ACYP2: variants seen among roughly 807,000 people sequenced by gnomAD.
ACYP2 encodes the protein acylphosphatase 2, also known as acylphosphatase-2.
A neutral mutation model predicts 11.2 loss-of-function variants in ACYP2; 12 were observed. The observed-to-expected ratio is 1.08, with a 90% CI of 0.69 to 1.74. The LOEUF (loss-of-function observed/expected upper bound fraction) is 1.74, where lower values mean the gene tolerates loss of function less well. ACYP2 is among the 40% of genes most tolerant of loss of function. The pLI, the probability that ACYP2 is intolerant of heterozygous loss-of-function variation, is 0.00. For synonymous variants in ACYP2, 43 were observed against 32.2 expected, an observed-to-expected ratio of 1.33 and a Z score of -1.13; for missense variants, 134 against 101.9, an observed-to-expected ratio of 1.31 and a Z score of -1.35.
chr2:54,034,900 C>T (rs866865874), intron 2 of ACYP2, among the ~76,000 whole-genome samples: 4 of 151,020 alleles, frequency 2.6e-5, no homozygotes, highest in Middle Eastern at 3.4e-3. Flanking sequence ...ATCCTAGCTA[C>T]TCAGGAGGCT....
chr2:53,989,572 T>G (rs1250948142), intron 2 of ACYP2, among the ~76,000 whole-genome samples: 1 of 152,222 alleles, frequency 6.6e-6, no homozygotes, highest in East Asian at 1.9e-4. Flanking sequence ...CATCTCCCAT[T>G]ATCTAGGTCT....
At chr2:54,035,546 C>A (rs1674850635) in intron 2 of ACYP2, among the ~76,000 whole-genome samples, 1 of 152,078 alleles carries the variant, frequency 6.6e-6, no homozygotes, top group African/African-American at 2.4e-5. Context: ...ATTACAGGTG[C>A]AAGCCACCGC....
At chr2:54,174,881 A>G (rs546745386) in intron 6 of ACYP2, among the ~76,000 whole-genome samples, 1 of 152,182 alleles carries the variant, frequency 6.6e-6, no homozygotes, top group Non-Finnish European at 1.5e-5. Context: ...GATGAAGCCT[A>G]CTTGATCGTG....
At chr2:54,094,551 T>A (rs1678413582) in intron 4 of ACYP2, among the ~76,000 whole-genome samples, 1 of 150,340 alleles carries the variant, frequency 6.7e-6, no homozygotes, top group African/African-American at 2.5e-5. Context: ...TGTGTGTGTG[T>A]GTTTGAGACA....
chr2:54,163,132 C>T lies in ACYP2; in HGVS notation c.404+24384C>T, dbSNP rs145016022. On this transcript the variant is annotated intron_variant, in intron 6 of 6. Coordinates refer to ENST00000607452, the MANE Select transcript of ACYP2 (RefSeq NM_001320586.2). ...AGCCTGATATTCTGCCTCTAACAAA[C>T]TCCCAAACAGTATGGATTTTGCTTG... is the stretch of plus-strand genomic sequence containing the variant. 6.6e-5 allele frequency among the ~76,000 whole-genome samples: 10 copies of T among 152,324 alleles called. No homozygotes were observed. In the East Asian group the frequency reaches 1.5e-3, roughly 23 times the overall value.
intron 2 of ACYP2, among the ~76,000 whole-genome samples, chr2:54,021,632 T>C (rs958398276): frequency 6.6e-6 from 1 of 152,222 alleles, no homozygotes; most frequent in Non-Finnish European, 1.5e-5. Context: ...TTCCCAGAAA[T>C]GTCCAAGCCA....
intron 6 of ACYP2, among the ~76,000 whole-genome samples, chr2:54,169,683 G>A (rs573550561): frequency 1.3e-5 from 2 of 151,744 alleles, no homozygotes; most frequent in African/African-American, 2.4e-5. Context: ...TGAAACTTAC[G>A]GTTTTTTTTC....
intron 6 of ACYP2, among the ~76,000 whole-genome samples, chr2:54,230,956 G>A (rs1390242241): frequency 6.7e-6 from 1 of 149,178 alleles, no homozygotes; most frequent in Admixed American, 6.7e-5. Context: ...TCAGCCTCCC[G>A]AGTAGCTGGG....
intron 6 of ACYP2, among the ~76,000 whole-genome samples, chr2:54,156,829 A>G (rs189573561): frequency 2.8e-4 from 43 of 151,944 alleles, no homozygotes; most frequent in Admixed American, 2.6e-3. Flanking sequence ...ACCCATGCCT[A>G]CCTAATTTTT....
intron 4 of ACYP2, among the ~76,000 whole-genome samples, chr2:54,130,464 CT>C (rs898178591): frequency 3.3e-5 from 5 of 152,048 alleles, no homozygotes; most frequent in African/African-American, 1.2e-4. Flanking sequence ...CCCCTGTGGG[CT>C]TTTAAGCTGG....
intron 6 of ACYP2, among the ~76,000 whole-genome samples, chr2:54,269,920 A>C (rs1278974316): frequency 2.6e-5 from 4 of 152,212 alleles, no homozygotes; most frequent in Non-Finnish European, 5.9e-5. Context: ...ACTATATAAC[A>C]GTCTGTTGAG....
intron 6 of ACYP2, among the ~76,000 whole-genome samples, chr2:54,258,229 A>C (rs553974948): frequency 6.6e-6 from 1 of 151,374 alleles, no homozygotes; most frequent in African/African-American, 2.4e-5. Flanking sequence ...GGGGGTAGGG[A>C]GTGGGGAGGA....
At chr2:54,215,044 C>T (rs1685500200) in intron 6 of ACYP2, among the ~76,000 whole-genome samples, 1 of 152,104 alleles carries the variant, frequency 6.6e-6, no homozygotes, top group Admixed American at 6.6e-5. Context: ...TGGTTTGGCT[C>T]TCAGCTTGGA....
chr2:54,118,307 A>G (rs189150863), intron 4 of ACYP2, among the ~76,000 whole-genome samples: 99 of 152,334 alleles, frequency 6.5e-4, no homozygotes, highest in African/African-American at 2.3e-3. Context: ...GGCAAAGATC[A>G]CCTGACAGAA....
intron 6 of ACYP2, among the ~76,000 whole-genome samples, chr2:54,160,755 T>A (rs1047197975): frequency 6.6e-6 from 1 of 152,234 alleles, no homozygotes; most frequent in African/African-American, 2.4e-5. Flanking sequence ...AATTTGTCCT[T>A]CTGTCAGCAA....
At chr2:54,074,015 G>A (rs1456854171) in intron 4 of ACYP2, among the ~76,000 whole-genome samples, 5 of 152,146 alleles carry the variant, frequency 3.3e-5, no homozygotes, top group Non-Finnish European at 7.3e-5. Flanking sequence ...ATATGACTCA[G>A]CAATTCCACT....
At chr2:54,126,075 C>G (rs905990023) in intron 4 of ACYP2, among the ~76,000 whole-genome samples, 2 of 151,328 alleles carry the variant, frequency 1.3e-5, no homozygotes, top group African/African-American at 4.9e-5. Context: ...AGAGAGACTC[C>G]GACTCAAAAA....
intron 6 of ACYP2, among the ~76,000 whole-genome samples, chr2:54,175,571 T>C (rs1683424038): frequency 6.6e-6 from 1 of 152,184 alleles, no homozygotes. Context: ...TGCCTTCTCC[T>C]AGTTTTTGAA....
At chr2:54,242,007 C>T (rs1197864922) in intron 6 of ACYP2, among the ~76,000 whole-genome samples, 1 of 151,972 alleles carries the variant, frequency 6.6e-6, no homozygotes, top group African/African-American at 2.4e-5. Context: ...CAGCAAGACA[C>T]TGTATCAAAA....
Sources: gnomAD v4.1 joint callset for allele counts (sites outside exome capture counted in the v4.1 genomes callset) on GRCh38, gnomAD v4.1.1 for gene constraint, MANE v1.5 for transcripts, NCBI Gene and HGNC (gene_info 2026-07-23, HGNC 2026-07-21) for gene names.